Variants in EDAR observed in about 807,000 individuals in gnomAD.
EDAR encodes the protein tumor necrosis factor receptor superfamily member EDAR.
EDAR carries 38 observed loss-of-function variants against 51.3 expected under a neutral mutation model. The observed-to-expected ratio is 0.74, with a 90% CI of 0.57 to 0.97. The LOEUF is 0.97. Among genes scored for constraint, EDAR ranks in the 50% least tolerant of loss-of-function variants. The pLI is 0.00. For missense variants in EDAR, 528 were observed against 595.0 expected (o/e 0.89, Z 1.17); for synonymous variants, 227 against 242.1 (o/e 0.94, Z 0.58).
At chr2:108,973,632 AG>A (rs997800193) in intron 1 of EDAR, among the ~76,000 whole-genome samples, 2 of 152,194 alleles carry the variant, frequency 1.3e-5, no homozygotes, top group African/African-American at 4.8e-5. Context: ...GAAGAACAGA[AG>A]GAGAAATGCA....
chr2:108,903,552 G>A (rs964292199), intron 11 of EDAR, among the ~76,000 whole-genome samples: 8 of 152,140 alleles, frequency 5.3e-5, no homozygotes, highest in Non-Finnish European at 8.8e-5. Flanking sequence ...GGACAGACAT[G>A]TAGATAAATG....
At chr2:108,923,543 C>T in intron 4 of EDAR, 90 bp from the exon 5 acceptor site, 2 of 1,209,124 alleles carry the variant, frequency 1.7e-6, no homozygotes, top group South Asian at 2.4e-5. Flanking sequence ...GGCCAGTCTG[C>T]AGGCCCACAA....
At chr2:108,923,575 G>C in intron 4 of EDAR, 122 bp from the exon 5 acceptor site, 2 of 811,802 alleles carry the variant, frequency 2.5e-6, no homozygotes, top group East Asian at 2.5e-5. Flanking sequence ...ATGAGGCCAC[G>C]CCCACTCAGT....
chr2:108,983,931 G>A (rs539286044), intron 1 of EDAR, among the ~76,000 whole-genome samples: 15 of 152,342 alleles, frequency 9.8e-5, no homozygotes, highest in African/African-American at 2.2e-4. Flanking sequence ...AGGAGGAAGC[G>A]AGTGCAGCTG....
At chr2:108,972,071 G>A (rs1316653013) in intron 1 of EDAR, among the ~76,000 whole-genome samples, 2 of 152,220 alleles carry the variant, frequency 1.3e-5, no homozygotes, top group East Asian at 1.9e-4. Context: ...CAGCCCAGCC[G>A]ACTGCAGCCT....
intron 1 of EDAR, among the ~76,000 whole-genome samples, chr2:108,970,654 A>G (rs1395281657): frequency 6.6e-6 from 1 of 152,180 alleles, no homozygotes; most frequent in Non-Finnish European, 1.5e-5. Context: ...CTTCCTGCTC[A>G]GGGGATGGGA....
At chr2:108,939,570 A>G (rs1038012597) in intron 1 of EDAR, among the ~76,000 whole-genome samples, 1 of 132,650 alleles carries the variant, frequency 7.5e-6, no homozygotes, top group Admixed American at 7.6e-5. Context: ...AGAGAGAGGG[A>G]ACAGTGTGGG....
chr2:108,940,159 G>A (rs1697566307), intron 1 of EDAR: 1 of 152,260 alleles, frequency 6.6e-6, no homozygotes, highest in Non-Finnish European at 1.5e-5. Context: ...ATAGCACAGA[G>A]CTGCCGCAGG....
chr2:108,906,345 G>T lies in EDAR; in HGVS notation c.987C>A (p.Ile329=). 1 of 1,614,152 alleles carries T rather than the reference G, an allele frequency of 6.2e-7. No homozygotes were observed. Among genetic ancestry groups the T allele is most frequent in the South Asian group, 1.1e-5 (1 of 91,086 alleles). ...SAGIQSRRKK[I]LDVYANVCGV... ...CACACACGTTGGCATACACATCGAG[G>T]ATCTTTTTCCTCCGGCTTTGAATCT... The change falls in exon 11 of 12, where the codon ATC becomes ATA. Residue 329 remains isoleucine (I), a synonymous_variant. Transcript: ENST00000258443.
chr2:108,897,149 C>T lies in EDAR; in HGVS notation c.1105G>A (p.Ala369Thr). 3 of 1,613,946 alleles carry T rather than the reference C, an allele frequency of 1.9e-6. No homozygotes were observed. Among genetic ancestry groups the T allele is most frequent in the Admixed American group, 1.7e-5 (1 of 60,032 alleles). The change falls in exon 12 of 12, where the codon GCT becomes ACT. Residue 369 changes from alanine (A) to threonine (T), a missense_variant. Transcript: ENST00000258443. ...AGGTGGCGCCACGTTTTCACAACAG[C>T]CTTCTCAGAGTTGTACGTGGAGCTG... ...MLSSTYNSEK[A>T]VVKTWRHLAE...
chr2:108,980,009 A>G (rs1319580228), intron 1 of EDAR, among the ~76,000 whole-genome samples: 1 of 148,560 alleles, frequency 6.7e-6, no homozygotes, highest in Non-Finnish European at 1.5e-5. Context: ...AGTGTGATGC[A>G]TTCACCTCTC....
intron 5 of EDAR, among the ~76,000 whole-genome samples, chr2:108,914,854 C>A (rs754360477): frequency 3.9e-5 from 6 of 152,216 alleles, no homozygotes; most frequent in Non-Finnish European, 5.9e-5. Context: ...TGGCCCAGCA[C>A]TGTGCCTGGT....
At chr2:108,953,853 AG>A (rs1242898831) in intron 1 of EDAR, among the ~76,000 whole-genome samples, 1 of 152,182 alleles carries the variant, frequency 6.6e-6, no homozygotes, top group African/African-American at 2.4e-5. Flanking sequence ...TGTGTGCCCA[AG>A]GGTCAAGTGA....
intron 1 of EDAR, among the ~76,000 whole-genome samples, chr2:108,938,217 T>C (rs1032699504): frequency 1.3e-5 from 2 of 152,222 alleles, no homozygotes; most frequent in Non-Finnish European, 2.9e-5. Context: ...TTTCCGCTAG[T>C]CTTTATTTTC....
At chr2:108,965,498 T>C (rs562863227) in intron 1 of EDAR, among the ~76,000 whole-genome samples, 1 of 151,820 alleles carries the variant, frequency 6.6e-6, no homozygotes, top group East Asian at 1.9e-4. Context: ...ATGACCCAGT[T>C]GTTCCCAGAT....
At chr2:108,967,639 G>A (rs1045478848) in intron 1 of EDAR, among the ~76,000 whole-genome samples, 4 of 152,112 alleles carry the variant, frequency 2.6e-5, no homozygotes, top group African/African-American at 9.7e-5. Flanking sequence ...TGTCTTTGTA[G>A]GAAAATGTAA....
At chr2:108,961,156 C>T (rs1698032116) in intron 1 of EDAR, among the ~76,000 whole-genome samples, 1 of 152,224 alleles carries the variant, frequency 6.6e-6, no homozygotes, top group Non-Finnish European at 1.5e-5. Flanking sequence ...TGCAGAGCCT[C>T]TGGGCCTGGC....
At chr2:108,985,181 C>T (rs1410190589) in intron 1 of EDAR, among the ~76,000 whole-genome samples, 1 of 152,166 alleles carries the variant, frequency 6.6e-6, no homozygotes, top group East Asian at 1.9e-4. Context: ...TTTTAGTTGC[C>T]TATATCTAGC....
intron 5 of EDAR, among the ~76,000 whole-genome samples, chr2:108,913,011 T>C (rs1696957394): frequency 6.6e-6 from 1 of 151,040 alleles, no homozygotes; most frequent in Non-Finnish European, 1.5e-5. Flanking sequence ...TGCAGTGGCG[T>C]GATCTCGGCT....
Sources: gnomAD v4.1 joint callset for allele counts (sites outside exome capture counted in the v4.1 genomes callset) on GRCh38, gnomAD v4.1.1 for gene constraint, MANE v1.5 for transcripts, NCBI Gene and HGNC (gene_info 2026-07-23, HGNC 2026-07-21) for gene names.